HMBOX1: variants seen among roughly 807,000 people sequenced by gnomAD.
HMBOX1 encodes homeobox-containing protein 1.
HMBOX1 carries 14 observed loss-of-function variants against 54.5 expected under a neutral mutation model. That is an observed-to-expected ratio of 0.26 (90% confidence interval 0.17 to 0.40). HMBOX1 has a LOEUF of 0.40. Ranked by LOEUF, HMBOX1 falls within the 10% of genes least tolerant of loss-of-function variation. The probability of loss-of-function intolerance (pLI) is 1.00; values close to 1 mark genes in which losing one functional copy is unlikely to be tolerated. For synonymous variants in HMBOX1, 160 were observed against 181.0 expected, an observed-to-expected ratio of 0.88 and a Z score of 0.93; for missense variants, 332 against 514.4, an observed-to-expected ratio of 0.65 and a Z score of 3.43.
chr8:29,047,503 C>G (rs1325070898), intron 8 of HMBOX1, 50 bp downstream of exon 8: 1 of 868,562 alleles, frequency 1.2e-6, no homozygotes, highest in Non-Finnish European at 1.9e-6. Flanking sequence ...TTGTGAACGT[C>G]ATGTTTATAT....
intron 6 of HMBOX1, among the ~76,000 whole-genome samples, chr8:29,032,670 C>T (rs1803185877): frequency 6.6e-6 from 1 of 152,080 alleles, no homozygotes; most frequent in South Asian, 2.1e-4. Flanking sequence ...TTTTTATGCT[C>T]CTTTGGGCTA....
intron 1 of HMBOX1, among the ~76,000 whole-genome samples, chr8:28,930,355 A>C (rs1375436554): frequency 6.6e-6 from 1 of 151,950 alleles, no homozygotes; most frequent in Non-Finnish European, 1.5e-5. Context: ...GGTCCTTTTT[A>C]GCTTATTGCT....
At chr8:29,032,037 G>A (rs1025351180) in intron 6 of HMBOX1, among the ~76,000 whole-genome samples, 7 of 152,236 alleles carry the variant, frequency 4.6e-5, no homozygotes, top group African/African-American at 1.7e-4. Flanking sequence ...GCTCAGTTGG[G>A]TGGGAAATGA....
At chr8:28,989,306 A>G (rs1452640227) in intron 4 of HMBOX1, among the ~76,000 whole-genome samples, 2 of 152,192 alleles carry the variant, frequency 1.3e-5, no homozygotes, top group African/African-American at 4.8e-5. Flanking sequence ...TGCTTAAACA[A>G]AGTCTCAAAG....
At chr8:28,961,300 C>T (rs954464359) in intron 1 of HMBOX1, among the ~76,000 whole-genome samples, 1 of 152,162 alleles carries the variant, frequency 6.6e-6, no homozygotes, top group African/African-American at 2.4e-5. Context: ...GCAGTCACCA[C>T]CATCCATTTC....
chr8:28,909,816 A>G (rs868094636), intron 1 of HMBOX1, among the ~76,000 whole-genome samples: 1 of 152,142 alleles, frequency 6.6e-6, no homozygotes, highest in South Asian at 2.1e-4. Flanking sequence ...GAATTTTCCA[A>G]CTTGTGCAAA....
At chr8:28,967,924 A>G (rs1478476952) in intron 2 of HMBOX1, among the ~76,000 whole-genome samples, 1 of 152,264 alleles carries the variant, frequency 6.6e-6, no homozygotes, top group Non-Finnish European at 1.5e-5. Flanking sequence ...GTTTAGGTCC[A>G]CAGAATGTGT....
At chr8:28,998,825 C>T (rs890798463) in intron 4 of HMBOX1, among the ~76,000 whole-genome samples, 3 of 151,766 alleles carry the variant, frequency 2.0e-5, no homozygotes, top group Non-Finnish European at 2.9e-5. Flanking sequence ...CAGTCATTGC[C>T]CTGGAGATTA....
At chr8:28,900,291 T>TAC (rs1554519282) in intron 1 of HMBOX1, among the ~76,000 whole-genome samples, 3 of 143,674 alleles carry the variant, frequency 2.1e-5, no homozygotes, top group Non-Finnish European at 4.6e-5. Context: ...TATATATATA[T>TAC]TTTGTTTCCT....
chr8:29,014,090 C>G (rs1026683955), intron 5 of HMBOX1, among the ~76,000 whole-genome samples: 1 of 147,320 alleles, frequency 6.8e-6, no homozygotes, highest in Non-Finnish European at 1.5e-5. Flanking sequence ...TTATAGTCCC[C>G]TCACCCAGAG....
intron 1 of HMBOX1, among the ~76,000 whole-genome samples, chr8:28,937,952 T>A (rs1367642374): frequency 6.6e-6 from 1 of 152,208 alleles, no homozygotes; most frequent in Admixed American, 6.5e-5. Context: ...AGATCCCTCA[T>A]TGAATCTCCA....
intron 6 of HMBOX1, among the ~76,000 whole-genome samples, chr8:29,042,135 C>T (rs1269744786): frequency 2.0e-5 from 3 of 151,842 alleles, no homozygotes; most frequent in African/African-American, 7.3e-5. Flanking sequence ...ATCCTGACTT[C>T]GGAGATCACA....
intron 6 of HMBOX1, among the ~76,000 whole-genome samples, chr8:29,023,597 T>G (rs1801543023): frequency 6.6e-6 from 1 of 152,120 alleles, no homozygotes; most frequent in South Asian, 2.1e-4. Context: ...AGACAGAGTT[T>G]TGCCATGTTG....
At chr8:29,047,171 ATATT>A (rs1410660629) in intron 7 of HMBOX1, among the ~76,000 whole-genome samples, 183 bp from the exon 8 acceptor site, 5 of 152,194 alleles carry the variant, frequency 3.3e-5, no homozygotes. Context: ...ATTCATTTAC[ATATT>A]TATTCATTCA....
chr8:28,938,911 T>C (rs759940943), intron 1 of HMBOX1, among the ~76,000 whole-genome samples: 1 of 152,050 alleles, frequency 6.6e-6, no homozygotes, highest in Non-Finnish European at 1.5e-5. Context: ...AATCCCAGCA[T>C]TTTGGGAGGC....
At chr8:28,990,654 TG>T (rs1309043871) in intron 4 of HMBOX1, among the ~76,000 whole-genome samples, 2 of 152,120 alleles carry the variant, frequency 1.3e-5, no homozygotes, top group South Asian at 2.1e-4. Context: ...TTTGTTTGTT[TG>T]TTTTTTTGTT....
intron 6 of HMBOX1, among the ~76,000 whole-genome samples, chr8:29,036,725 C>T (rs1803935709): frequency 6.6e-6 from 1 of 152,164 alleles, no homozygotes; most frequent in South Asian, 2.1e-4. Context: ...AAGTCCGAAA[C>T]AATACCATGT....
chr8:28,966,102 GATTA>G (rs1321029378), intron 2 of HMBOX1, among the ~76,000 whole-genome samples: 5 of 152,122 alleles, frequency 3.3e-5, no homozygotes, highest in African/African-American at 7.2e-5. Flanking sequence ...GTGATTTCAA[GATTA>G]ATTATTTGTG....
At chr8:29,047,062 TG>T (rs1805677685) in intron 7 of HMBOX1, among the ~76,000 whole-genome samples, 2 of 152,262 alleles carry the variant, frequency 1.3e-5, no homozygotes, top group African/African-American at 4.8e-5. Flanking sequence ...CACATGGACG[TG>T]GATCTGACAC....
Sources: allele counts gnomAD v4.1 joint callset (sites outside exome capture counted in the v4.1 genomes callset), GRCh38; gene constraint gnomAD v4.1.1; transcripts MANE v1.5; gene names NCBI Gene and HGNC (gene_info 2026-07-23, HGNC 2026-07-21).